Variants in SRRT observed in about 807,000 individuals in gnomAD.
SRRT encodes serrate, RNA effector molecule, also known as serrate RNA effector molecule homolog.
In SRRT, 32 loss-of-function variants were observed where a neutral mutation model predicts 103.2. The observed-to-expected ratio is 0.31, with a 90% CI of 0.23 to 0.42. SRRT has a LOEUF of 0.42. Among genes scored for constraint, SRRT ranks in the 10% least tolerant of loss-of-function variants. The pLI is 1.00. For missense variants in SRRT, 986 were observed against 1,207.5 expected, an observed-to-expected ratio of 0.82 and a Z score of 2.72; for synonymous variants, 525 against 449.0, an observed-to-expected ratio of 1.17 and a Z score of -2.14.
At chr7:100,886,208 G>T in intron 12 of SRRT, 39 bp from the exon 13 acceptor site, 1 of 1,591,866 alleles carries the variant, frequency 6.3e-7, no homozygotes, top group East Asian at 2.2e-5. Flanking sequence ...TGGCAAGCGG[G>T]GTAAGTGGGG....
chr7:100,875,741 C>A, intron 2 of SRRT, 29 bp downstream of exon 2: 1 of 1,610,638 alleles, frequency 6.2e-7, no homozygotes, highest in South Asian at 1.1e-5. Flanking sequence ...CATCTTGTCC[C>A]CGTTTCATGC....
At chr7:100,881,890 G>C in intron 4 of SRRT, 85 bp downstream of exon 4, 1 of 1,513,580 alleles carries the variant, frequency 6.6e-7, no homozygotes, top group Non-Finnish European at 8.8e-7. Context: ...GCCAGGGAGC[G>C]GGTCAGGCAC....
At position 100,884,477 on chromosome 7, in the gene SRRT, A is replaced by G; in HGVS notation, c.867A>G (p.Gly289=). ...KPGEPSKKEE[G]RAGAGLGDGE... is the part of the protein sequence containing the mutation. The stretch of plus-strand genomic sequence containing the variant: ...GGGAGCCCAGCAAGAAAGAAGAAGG[A>G]CGGGCTGGAGCAGGCCTAGGGGACG... The change falls in exon 7 of 20, where the codon GGA becomes GGG. Residue 289 remains glycine (G), a synonymous_variant. Coordinates refer to ENST00000611405, the MANE Select transcript of SRRT (RefSeq NM_015908.6). 1 of 1,613,642 alleles carries G rather than the reference A, an allele frequency of 6.2e-7. No individual in the cohort carries two copies. The highest frequency in any genetic ancestry group is 1.1e-5 in the South Asian group (1 of 91,050).
chr7:100,885,995 C>CGG lies in SRRT; in HGVS notation c.1458+56_1458+57dup. 6.4e-7 allele frequency: 1 copy of CGG among 1,574,186 alleles called. No homozygotes were observed. The highest frequency in any genetic ancestry group is 1.1e-5 in the South Asian group (1 of 90,140). ...AGAGGAAGGGAGACTCTGTGCCACACGGGACCTCTGTGTGACTTTGTTCAT... is the reference window on the plus strand; with the variant it reads ...AGAGGAAGGGAGACTCTGTGCCACACGGGGGACCTCTGTGTGACTTTGTTCAT... On this transcript the variant is annotated intron_variant, in intron 12 of 19. Transcript: ENST00000611405. This position sits in a 1 kb window ranked among gnomAD's most constrained non-coding sequence, Gnocchi z 4.8.
In SRRT at chr7:100,882,726, C is replaced by G. The variant is rs1331726409; in HGVS notation, c.587+485C>G. On this transcript the variant is annotated intron_variant, in intron 5 of 19. Transcript: ENST00000611405. The surrounding 1 kb of genome is among the most constrained non-coding windows in gnomAD (Gnocchi z 4.2). ...ATCTTTTCCCCCCTTCCTGCTCCTC[C>G]TCCTCCTCATCCTCTTTCTGCTCCT... The G allele has an allele frequency of 6.5e-6, 1 of 154,186 alleles. No homozygotes were observed. Among genetic ancestry groups the G allele is most frequent in the East Asian group, 1.9e-4 (1 of 5,208 alleles). The allele number at this position is 154,186 out of a possible 1,614,324, so 9.6% of individuals were successfully genotyped here.
chr7:100,885,223 CAAGGAG>C lies in SRRT; in HGVS notation c.1180_1185del (p.Glu394_Lys395del). 3 of 1,613,888 alleles carry C rather than the reference CAAGGAG, an allele frequency of 1.9e-6. No individual in the cohort carries two copies. The highest frequency in any genetic ancestry group is 2.5e-6 in the Non-Finnish European group (3 of 1,179,916). Reference sequence around the variant, plus strand: ...CCCCTTCCTGCCTAGAAGAAGCGCTCAAGGAGAAGGAGAAGCCCAAGGAAGAAGAAT... The same window carrying C: ...CCCCTTCCTGCCTAGAAGAAGCGCTCAAGGAGAAGCCCAAGGAAGAAGAAT... On this transcript the variant is annotated inframe_deletion, in exon 10 of 20. Transcript: ENST00000611405. This position sits in a 1 kb window ranked among gnomAD's most constrained non-coding sequence, Gnocchi z 4.8.
intron 1 of SRRT, 91 bp from the exon 2 acceptor site, chr7:100,875,482 G>A (rs1815581566): frequency 4.5e-6 from 7 of 1,570,950 alleles, no homozygotes; most frequent in Non-Finnish European, 6.0e-6. Context: ...TGGCCTTGGC[G>A]GGAGGGAAGC....
intron 2 of SRRT, chr7:100,876,009 G>A: frequency 6.0e-6 from 2 of 335,060 alleles, no homozygotes; most frequent in South Asian, 2.5e-5. Flanking sequence ...ATTGAGATGG[G>A]GTCTTGTTCT....
rs1815559247 is a variant in SRRT, at chr7:100,875,309, A to G, written c.-38A>G. ...TCTAGCCCGTCCGAGCGCGAGTCCA[A>G]CGGCCGCGGCCGCACCAAGGTGGGG... On this transcript the variant is annotated 5_prime_UTR_variant, in exon 1 of 20. Transcript: ENST00000611405. 9.1e-7 allele frequency: 1 copy of G among 1,098,278 alleles called. No homozygotes were observed. Among genetic ancestry groups the G allele is most frequent in the Non-Finnish European group, 1.2e-6 (1 of 867,004 alleles). The allele number at this position is 1,098,278 out of a possible 1,614,324, so 68.0% of individuals were successfully genotyped here.
Position 100,887,415 on chromosome 7 carries a change from A to G in SRRT, c.2071A>G (p.Lys691Glu). The change falls in exon 16 of 20, where the codon AAA (lysine) becomes GAA (glutamate). Residue 691 changes from lysine (K) to glutamate (E), a missense_variant. This residue lies in a region of SRRT where 349 missense variants were observed against 446.9 expected (regional missense o/e 0.78). Transcript: ENST00000611405. The surrounding 1 kb of genome is among the most constrained non-coding windows in gnomAD (Gnocchi z 4.1). Reference protein sequence around the residue: ...SEEEAQKMGRKDPEQEVEKFV... With the variant: ...SEEEAQKMGREDPEQEVEKFV... ...GGAAGAGGCCCAGAAGATGGGGCGC[A>G]AAGACCCAGAGCAGGAAGTGGAGAA... 6.2e-7 allele frequency: 1 copy of G among 1,614,232 alleles called. No individual in the cohort carries two copies. Among genetic ancestry groups the G allele is most frequent in the South Asian group, 1.1e-5 (1 of 91,080 alleles).
At position 100,888,127 on chromosome 7, in the gene SRRT, G is replaced by C. The variant is rs578170813; in HGVS notation, c.2412G>C (p.Pro804=). 2 of 1,610,412 alleles carry C rather than the reference G, an allele frequency of 1.2e-6. No individual in the cohort carries two copies. Among genetic ancestry groups the C allele is most frequent in the East Asian group, 2.2e-5 (1 of 44,874 alleles). The stretch of plus-strand genomic sequence containing the variant: ...TGCCCTATGGTCAGCCCCGGCCCCC[G>C]ATCTTGGGCTATGGAGGTAAGTACA... ...GLMPYGQPRP[P]ILGYGAGAVR... Residue 804 remains proline (P), a synonymous_variant, in exon 18 of 20, where the codon CCG becomes CCC. Coordinates refer to ENST00000611405, the MANE Select transcript of SRRT (RefSeq NM_015908.6).
Position 100,884,153 on chromosome 7 carries a change from TC to T in SRRT, c.673del (p.Leu225CysfsTer16), listed in dbSNP as rs1454974665. 6.2e-7 allele frequency: 1 copy of T among 1,613,850 alleles called. No individual in the cohort carries two copies. Among genetic ancestry groups the T allele is most frequent in the Admixed American group, 1.7e-5 (1 of 59,984 alleles). ...GCCCTGCAAAACCGACTGAGGGTCT[TC>T]CTGTCCCTCATGGAGACTGGCTGGT... ...RGALQNRLRV[F>X]LSLMETGWFD... On this transcript the variant is annotated frameshift_variant, in exon 6 of 20. Transcript: ENST00000611405. LOFTEE classifies it high-confidence loss of function.
rs558036089 is a variant in SRRT, at chr7:100,875,999, ATTGAGATGGGGTC to A, written c.122+291_122+303del. The A allele has an allele frequency of 4.1e-4, 146 of 356,828 alleles. 1 individual carries two copies. The highest frequency in any genetic ancestry group is 3.3e-3 in the South Asian group (140 of 42,374). The allele number at this position is 356,828 out of a possible 1,614,324, so 22.1% of individuals were successfully genotyped here. ...CTTTTTTGCTTTTTTTTGTTTTGTTATTGAGATGGGGTCTTGTTCTGCTGCCCTGGCTGGAGTG... is the reference window on the plus strand; with the variant it reads ...CTTTTTTGCTTTTTTTTGTTTTGTTATTGTTCTGCTGCCCTGGCTGGAGTG... On this transcript the variant is annotated intron_variant, in intron 2 of 19. Transcript: ENST00000611405.
chr7:100,880,641 G>T, intron 2 of SRRT: 1 of 385,830 alleles, frequency 2.6e-6, no homozygotes, highest in South Asian at 1.9e-5. Flanking sequence ...ATTTGAGGGG[G>T]TGATGGACTT....
intron 2 of SRRT, 117 bp downstream of exon 2, chr7:100,875,829 T>G (rs1815631727): frequency 1.5e-6 from 2 of 1,340,540 alleles, no homozygotes; most frequent in African/African-American, 1.4e-5. Flanking sequence ...AATGGCTCAT[T>G]GGACCGTTTT....
Position 100,886,205 on chromosome 7 carries a change from C to T in SRRT, c.1459-42C>T, listed in dbSNP as rs774471877. The T allele has an allele frequency of 2.1e-5, 33 of 1,584,260 alleles. No homozygotes were observed. The Admixed American group carries it at 3.3e-4, about 16-fold the overall frequency. On this transcript the variant is annotated intron_variant, in intron 12 of 19. Coordinates refer to ENST00000611405, the MANE Select transcript of SRRT (RefSeq NM_015908.6). Reference sequence around the variant, plus strand: ...TTAGAGCTGCTGTTTCTCTGGCAAGCGGGGTAAGTGGGGTAAGCTGCTGAT... The same window carrying T: ...TTAGAGCTGCTGTTTCTCTGGCAAGTGGGGTAAGTGGGGTAAGCTGCTGAT...
chr7:100,875,937 A>G (rs1815646686), intron 2 of SRRT: 3 of 509,490 alleles, frequency 5.9e-6, no homozygotes, highest in Non-Finnish European at 1.1e-5. Context: ...GAGTTTGAGT[A>G]TGAAGAAGCA....
In SRRT at chr7:100,882,476, G is replaced by C. The variant is rs1789674897; in HGVS notation, c.587+235G>C. The C allele has an allele frequency of 4.3e-6, 2 of 469,438 alleles. No homozygotes were observed. The highest frequency in any genetic ancestry group is 4.0e-5 in the African/African-American group (2 of 50,436). 29.1% of individuals were successfully genotyped at this position (469,438 alleles called of 1,614,324 possible). A position where few individuals can be genotyped will look rare whatever the true frequency, so the allele number is the denominator to read the frequency against. On this transcript the variant is annotated intron_variant, in intron 5 of 19. Transcript: ENST00000611405. The surrounding 1 kb of genome is among the most constrained non-coding windows in gnomAD (Gnocchi z 4.2). Reference sequence around the variant, plus strand: ...TCCTCAGAGAGTGGGACACCTCCAGGCAGCAGGCCAGAGCCACTTGGCCCC... The same window carrying C: ...TCCTCAGAGAGTGGGACACCTCCAGCCAGCAGGCCAGAGCCACTTGGCCCC...
chr7:100,879,177 A>G (rs570376534), intron 2 of SRRT, among the ~76,000 whole-genome samples: 1 of 152,236 alleles, frequency 6.6e-6, no homozygotes, highest in Admixed American at 6.5e-5. Context: ...GCTGGTCTCA[A>G]ACTTCTGACC....
Sources: allele counts gnomAD v4.1 joint callset (sites outside exome capture counted in the v4.1 genomes callset), GRCh38; gene constraint gnomAD v4.1.1; regional missense constraint gnomAD v4.1.1; non-coding constraint Gnocchi (gnomAD v3.1); transcripts MANE v1.5; gene names NCBI Gene and HGNC (gene_info 2026-07-23, HGNC 2026-07-21).